The following HHAT variants were observed in gnomAD, a reference collection of about 807,000 sequenced individuals.
HHAT encodes protein-cysteine N-palmitoyltransferase HHAT.
In HHAT, 47 loss-of-function variants were observed where a neutral mutation model predicts 70.8. The ratio of observed to expected loss-of-function variants is 0.66; its 90% confidence interval spans 0.53 to 0.85. The LOEUF is 0.85. Ranked by LOEUF, HHAT falls within the 40% of genes least tolerant of loss-of-function variation. The pLI, the probability that HHAT is intolerant of heterozygous loss-of-function variation, is 0.00. For missense variants in HHAT, 609 were observed against 604.8 expected, an observed-to-expected ratio of 1.01 and a Z score of -0.07; for synonymous variants, 228 against 247.6, an observed-to-expected ratio of 0.92 and a Z score of 0.74.
At chr1:210,455,409 A>T (rs1455813997) in intron 7 of HHAT, among the ~76,000 whole-genome samples, 1 of 151,970 alleles carries the variant, frequency 6.6e-6, no homozygotes, top group African/African-American at 2.4e-5. Flanking sequence ...TTTTCTGAGG[A>T]CCTTTAGAGC....
At chr1:210,474,994 G>A (rs1446123150) in intron 8 of HHAT, among the ~76,000 whole-genome samples, 1 of 151,320 alleles carries the variant, frequency 6.6e-6, no homozygotes, top group African/African-American at 2.4e-5. Flanking sequence ...GGGACTACAG[G>A]TGTGGGCCAC....
At chr1:210,386,230 C>CTTTCTTTTTTTTTTTTTTT (rs1324452281) in intron 3 of HHAT, among the ~76,000 whole-genome samples, 855 of 69,906 alleles carry the variant, frequency 0.012, 133 homozygotes, top group Middle Eastern at 0.026. Context: ...TTCTTTTTTT[C>CTTTCTTTTTTTTTTTTTTT]TTTTTTTTTT....
At chr1:210,500,853 A>G (rs1326346953) in intron 8 of HHAT, among the ~76,000 whole-genome samples, 1 of 152,198 alleles carries the variant, frequency 6.6e-6, no homozygotes, top group Non-Finnish European at 1.5e-5. Flanking sequence ...GACTGTTGCC[A>G]GTTGGCTTCC....
chr1:210,380,125 A>G (rs910645550), intron 3 of HHAT, among the ~76,000 whole-genome samples: 1 of 152,214 alleles, frequency 6.6e-6, no homozygotes, highest in Non-Finnish European at 1.5e-5. Flanking sequence ...AAATTTTTCA[A>G]ATTTTTATTG....
rs961363066 is a variant in HHAT at position 210,377,996 on chromosome 1, G to A, written c.160-9472G>A. ...AAGAAAGTATTGATTGAGAGAGAGT[G>A]TTGTCTCTGGAAATTGTAAGCAGTA... On this transcript the variant is annotated intron_variant, in intron 3 of 11. Transcript: ENST00000261458. 3.3e-5 allele frequency among the ~76,000 whole-genome samples: 5 copies of A among 152,174 alleles called. 1 individual carries two copies. Among genetic ancestry groups the A allele is most frequent in the Admixed American group, 2.0e-4 (3 of 15,278 alleles).
At chr1:210,460,048 G>A (rs1223066461) in intron 7 of HHAT, among the ~76,000 whole-genome samples, 1 of 152,230 alleles carries the variant, frequency 6.6e-6, no homozygotes, top group Non-Finnish European at 1.5e-5. Flanking sequence ...TCTTCATGTG[G>A]CCACTCCGTG....
chr1:210,541,168 T>C (rs2095427019), intron 9 of HHAT, among the ~76,000 whole-genome samples: 1 of 140,356 alleles, frequency 7.1e-6, no homozygotes, highest in South Asian at 2.3e-4. Context: ...TGAAAAAATA[T>C]AAGACAATAT....
intron 9 of HHAT, among the ~76,000 whole-genome samples, chr1:210,536,868 C>G (rs1220751507): frequency 2.8e-5 from 4 of 144,550 alleles, no homozygotes; most frequent in African/African-American, 9.8e-5. Flanking sequence ...CCTCTGTCTG[C>G]TAAATGTCAG....
At chr1:210,504,736 T>C (rs2094820585) in intron 8 of HHAT, among the ~76,000 whole-genome samples, 1 of 152,160 alleles carries the variant, frequency 6.6e-6, no homozygotes, top group African/African-American at 2.4e-5. Flanking sequence ...GTTTTCACCG[T>C]GTTTGTTCTG....
chr1:210,483,599 T>A (rs1406507971), intron 8 of HHAT, among the ~76,000 whole-genome samples: 1 of 105,134 alleles, frequency 9.5e-6, no homozygotes, highest in Non-Finnish European at 2.0e-5. Flanking sequence ...TCCATTTATG[T>A]CTAATAGCTA....
chr1:210,447,355 G>A (rs2093655742), intron 7 of HHAT, among the ~76,000 whole-genome samples: 1 of 152,136 alleles, frequency 6.6e-6, no homozygotes, highest in Admixed American at 6.5e-5. Flanking sequence ...TGCTTCCAAA[G>A]CTTGGAAAAA....
chr1:210,609,992 A>G (rs1190441724), intron 10 of HHAT, among the ~76,000 whole-genome samples: 1 of 152,192 alleles, frequency 6.6e-6, no homozygotes, highest in Non-Finnish European at 1.5e-5. Context: ...AAGTATCTTT[A>G]TAATAGAATG....
intron 9 of HHAT, among the ~76,000 whole-genome samples, chr1:210,516,904 C>T (rs2095066394): frequency 6.6e-6 from 1 of 152,224 alleles, no homozygotes; most frequent in Non-Finnish European, 1.5e-5. Context: ...CCTTTTAAGC[C>T]TTGGAGTGCT....
At chr1:210,566,672 C>T (rs1006323018) in intron 9 of HHAT, among the ~76,000 whole-genome samples, 2 of 152,072 alleles carry the variant, frequency 1.3e-5, no homozygotes, top group African/African-American at 4.8e-5. Context: ...AGATCGGCCG[C>T]TAGATGGCCA....
Position 210,439,965 on chromosome 1 carries a change from T to G in HHAT, c.856+21640T>G, listed in dbSNP as rs189151633. On this transcript the variant is annotated intron_variant, in intron 7 of 11. Transcript: ENST00000261458. Reference sequence around the variant, plus strand: ...TGAGAATTCAGCTGACATTGTAATTTAATAAAGCTAAGGATAAAACTTCTG... The same window carrying G: ...TGAGAATTCAGCTGACATTGTAATTGAATAAAGCTAAGGATAAAACTTCTG... Among the ~76,000 whole-genome samples, 71 of 152,008 alleles carry G rather than the reference T, an allele frequency of 4.7e-4. 1 individual carries two copies. The highest frequency in any genetic ancestry group is 1.7e-3 in the African/African-American group (69 of 41,276).
intron 11 of HHAT, among the ~76,000 whole-genome samples, chr1:210,635,599 A>G (rs1671725479): frequency 1.3e-5 from 2 of 152,220 alleles, no homozygotes; most frequent in Admixed American, 1.3e-4. Flanking sequence ...AAATCTTCAG[A>G]GTTCTCCCAG....
intron 11 of HHAT, among the ~76,000 whole-genome samples, chr1:210,673,184 G>C (rs1436654648): frequency 6.6e-6 from 1 of 152,046 alleles, no homozygotes; most frequent in African/African-American, 2.4e-5. Flanking sequence ...TCATTGCCAA[G>C]GACAAGCCAC....
At chr1:210,384,742 G>A (rs1572057465) in intron 3 of HHAT, among the ~76,000 whole-genome samples, 1 of 152,292 alleles carries the variant, frequency 6.6e-6, no homozygotes, top group African/African-American at 2.4e-5. Flanking sequence ...AAGAAAATGG[G>A]GGAAGGGACA....
chr1:210,497,549 G>A (rs1423836777), intron 8 of HHAT, among the ~76,000 whole-genome samples: 1 of 152,112 alleles, frequency 6.6e-6, no homozygotes, highest in Non-Finnish European at 1.5e-5. Context: ...AAGTTTCTTG[G>A]TTTGATGTTG....
Sources: gnomAD v4.1 joint callset for allele counts (sites outside exome capture counted in the v4.1 genomes callset) on GRCh38, gnomAD v4.1.1 for gene constraint, MANE v1.5 for transcripts, NCBI Gene and HGNC (gene_info 2026-07-23, HGNC 2026-07-21) for gene names.